Variants in INPP4B observed in about 807,000 individuals in gnomAD.
INPP4B encodes the protein inositol polyphosphate 4-phosphatase type II.
Under a neutral mutation model 122.5 loss-of-function variants are expected in INPP4B, and 55 were observed. That is an observed-to-expected ratio of 0.45 (90% CI 0.36 to 0.56). The LOEUF is 0.56. Among genes scored for constraint, INPP4B ranks in the 20% least tolerant of loss-of-function variants. The pLI is 0.00. For missense variants in INPP4B, 1,000 were observed against 1,097.7 expected, an observed-to-expected ratio of 0.91 and a Z score of 1.26; for synonymous variants, 403 against 388.7, an observed-to-expected ratio of 1.04 and a Z score of -0.43.
chr4:142,806,267 A>G (rs1778687633), intron 1 of INPP4B, among the ~76,000 whole-genome samples: 1 of 120,452 alleles, frequency 8.3e-6, no homozygotes, highest in African/African-American at 3.4e-5. Context: ...AGAACGAGTG[A>G]GACTCCGTCT....
chr4:142,826,319 C>T (rs528919095), intron 1 of INPP4B, among the ~76,000 whole-genome samples: 25 of 152,210 alleles, frequency 1.6e-4, no homozygotes, highest in African/African-American at 6.0e-4. Context: ...ACTATTCTTG[C>T]ATTTCAGGAC....
intron 19 of INPP4B, 71 bp from the exon 20 acceptor site, chr4:142,123,486 G>A (rs1797430264): frequency 1.4e-6 from 2 of 1,447,144 alleles, no homozygotes; most frequent in South Asian, 2.6e-5. Flanking sequence ...AATATTTTAA[G>A]ACTTCTGAGG....
chr4:142,786,433 G>A (rs755508430), intron 1 of INPP4B, among the ~76,000 whole-genome samples: 4 of 152,048 alleles, frequency 2.6e-5, no homozygotes, highest in Non-Finnish European at 5.9e-5. Flanking sequence ...TGATATAAAT[G>A]ACTTAATAAA....
chr4:142,783,033 A>T, intron 1 of INPP4B, among the ~76,000 whole-genome samples: 1 of 151,996 alleles, frequency 6.6e-6, no homozygotes, highest in Non-Finnish European at 1.5e-5. Flanking sequence ...TTAAAGACTT[A>T]AACGTTAGAC....
intron 10 of INPP4B, among the ~76,000 whole-genome samples, chr4:142,265,853 T>C (rs778659507): frequency 1.3e-5 from 2 of 152,102 alleles, no homozygotes; most frequent in Non-Finnish European, 2.9e-5. Context: ...CTATGTAGGA[T>C]TTGGGTGGGG....
At chr4:142,520,786 A>G (rs977518607) in intron 2 of INPP4B, among the ~76,000 whole-genome samples, 1 of 151,980 alleles carries the variant, frequency 6.6e-6, no homozygotes, top group Non-Finnish European at 1.5e-5. Context: ...ATTTCTCCTC[A>G]GATTATTTGA....
chr4:142,590,860 G>T (rs955374630), intron 2 of INPP4B, among the ~76,000 whole-genome samples: 5 of 133,918 alleles, frequency 3.7e-5, no homozygotes. Context: ...GCCAGATCTT[G>T]GTTCTTCTAA....
intron 7 of INPP4B, among the ~76,000 whole-genome samples, chr4:142,369,131 G>A (rs990920097): frequency 6.4e-4 from 97 of 152,126 alleles, no homozygotes; most frequent in African/African-American, 2.2e-3. Context: ...GGTTACACTT[G>A]TGTGGGCACA....
At chr4:142,298,287 C>G (rs1007722770) in intron 9 of INPP4B, among the ~76,000 whole-genome samples, 1 of 152,090 alleles carries the variant, frequency 6.6e-6, no homozygotes. Context: ...TAACACTAGA[C>G]CTGTCTGAAA....
At chr4:142,595,378 G>C (rs950975362) in intron 2 of INPP4B, among the ~76,000 whole-genome samples, 2 of 152,148 alleles carry the variant, frequency 1.3e-5, no homozygotes, top group East Asian at 3.9e-4. Flanking sequence ...ACCTAGAATG[G>C]TGGAATTTTT....
At chr4:142,761,957 C>A (rs1771405130) in intron 1 of INPP4B, among the ~76,000 whole-genome samples, 1 of 152,074 alleles carries the variant, frequency 6.6e-6, no homozygotes, top group African/African-American at 2.4e-5. Flanking sequence ...CAAAAATGAT[C>A]ATTTCTGATC....
chr4:142,270,370 G>A (rs1745165463), intron 10 of INPP4B, among the ~76,000 whole-genome samples: 1 of 152,190 alleles, frequency 6.6e-6, no homozygotes, highest in Admixed American at 6.5e-5. Context: ...ATGGTAAAAT[G>A]CGACAATGAT....
chr4:142,845,815 C>T lies in INPP4B; in HGVS notation c.-254+394G>A, dbSNP rs537139422. 2.2e-3 allele frequency among the ~76,000 whole-genome samples: 330 copies of T among 152,184 alleles called. 4 individuals carry two copies. Among genetic ancestry groups the T allele is most frequent in the African/African-American group, 7.7e-3 (318 of 41,548 alleles). On this transcript the variant is annotated intron_variant, in intron 1 of 25. Transcript: ENST00000262992. Reference sequence around the variant, plus strand: ...AGTGCCCGGGCCAACCTCAGCGTCTCTCAGGGACAGCGCAGGTGGGCGCAG... The same window carrying T: ...AGTGCCCGGGCCAACCTCAGCGTCTTTCAGGGACAGCGCAGGTGGGCGCAG...
At chr4:142,268,080 T>G (rs754703519) in intron 10 of INPP4B, among the ~76,000 whole-genome samples, 7 of 151,166 alleles carry the variant, frequency 4.6e-5, no homozygotes, top group Non-Finnish European at 1.0e-4. Context: ...TCCCAGCACT[T>G]TGGGAGGCTG....
intron 9 of INPP4B, among the ~76,000 whole-genome samples, chr4:142,295,071 G>A (rs773308472): frequency 6.6e-6 from 1 of 152,014 alleles, no homozygotes; most frequent in Non-Finnish European, 1.5e-5. Context: ...TACATTTAGG[G>A]TACCTGAATG....
intron 1 of INPP4B, among the ~76,000 whole-genome samples, chr4:142,768,314 G>GTAC (rs952361831): frequency 1.3e-5 from 2 of 152,164 alleles, no homozygotes; most frequent in Non-Finnish European, 2.9e-5. Flanking sequence ...TCTTCACAGT[G>GTAC]TACTACAGGC....
chr4:142,450,984 C>CA (rs143076692), intron 3 of INPP4B, among the ~76,000 whole-genome samples: 8,056 of 150,878 alleles, frequency 0.053, 332 homozygotes, highest in African/African-American at 0.099. Context: ...CTCCCCCCCC[C>CA]AAAAAAAGTA....
intron 25 of INPP4B, among the ~76,000 whole-genome samples, chr4:142,048,722 T>C (rs1235783008): frequency 1.3e-5 from 2 of 151,868 alleles, no homozygotes; most frequent in Non-Finnish European, 2.9e-5. Context: ...TGAGAGCTGG[T>C]TAAAGAAAAG....
At chr4:142,254,034 TG>T (rs36137487) in intron 11 of INPP4B, among the ~76,000 whole-genome samples, 82,855 of 151,946 alleles carry the variant, frequency 0.55, 26,348 homozygotes, top group Non-Finnish European at 0.69. Flanking sequence ...CCTCCTCTAG[TG>T]GGTCCCTGAC....
Sources: gnomAD v4.1 joint callset for allele counts (sites outside exome capture counted in the v4.1 genomes callset) on GRCh38, gnomAD v4.1.1 for gene constraint, MANE v1.5 for transcripts, NCBI Gene and HGNC (gene_info 2026-07-23, HGNC 2026-07-21) for gene names.